STXBP4: variants seen among roughly 807,000 people sequenced by gnomAD.
STXBP4 encodes syntaxin binding protein 4.
In STXBP4, 55 loss-of-function variants were observed where a neutral mutation model predicts 76.1. The ratio of observed to expected loss-of-function variants is 0.72; its 90% CI spans 0.58 to 0.91. The LOEUF is 0.91. Ranked by LOEUF, STXBP4 falls within the 40% of genes least tolerant of loss-of-function variation. The pLI is 0.00. For synonymous variants in STXBP4, 201 were observed against 220.2 expected (o/e 0.91, Z 0.77); for missense variants, 618 against 636.9 (o/e 0.97, Z 0.32).
At chr17:54,994,507 A>G (rs1254197423) in intron 4 of STXBP4, among the ~76,000 whole-genome samples, 1 of 152,198 alleles carries the variant, frequency 6.6e-6, no homozygotes. Flanking sequence ...ACACTGTTCA[A>G]TTCATTAACA....
intron 11 of STXBP4, chr17:55,043,999 C>G (rs901737628): frequency 1.5e-5 from 3 of 197,384 alleles, no homozygotes; most frequent in African/African-American, 6.9e-5. Context: ...CATGTCCATG[C>G]CACCATGCTC....
At chr17:55,198,091 T>G in the STXBP4 span, among the ~76,000 whole-genome samples, 6 of 152,246 alleles carry the variant, frequency 3.9e-5, no homozygotes, top group African/African-American at 1.2e-4. Context: ...TAGAGGTTTC[T>G]CATTGGCCAC....
intron 16 of STXBP4, among the ~76,000 whole-genome samples, chr17:55,091,867 T>TA (rs2079419431): frequency 6.6e-6 from 1 of 152,198 alleles, no homozygotes; most frequent in Non-Finnish European, 1.5e-5. Context: ...AAAAGCTGTG[T>TA]AAAAGGTGCT....
intron 1 of STXBP4, among the ~76,000 whole-genome samples, chr17:54,981,651 G>T (rs1259807903): frequency 6.6e-6 from 1 of 152,128 alleles, no homozygotes; most frequent in East Asian, 1.9e-4. Context: ...TTTGGAGTGG[G>T]CAAGGAGTTT....
Position 55,167,390 on chromosome 17 carries a change from G to A in STXBP4, c.*7479G>A, listed in dbSNP as rs569211432. 1 of 152,298 alleles carries A rather than the reference G, an allele frequency of 6.6e-6. No homozygotes were observed. Among genetic ancestry groups the A allele is most frequent in the East Asian group, 1.9e-4 (1 of 5,188 alleles). The allele number at this position is 152,298 out of a possible 1,614,324, so 9.4% of individuals were successfully genotyped here. A position where few individuals can be genotyped will look rare whatever the true frequency, so the allele number is the denominator to read the frequency against. On this transcript the variant is annotated 3_prime_UTR_variant, in exon 18 of 18. Coordinates refer to ENST00000376352, the MANE Select transcript of STXBP4 (RefSeq NM_178509.6). Reference sequence around the variant, plus strand: ...TGCTTCTGGCAGGGAAACAAAGATTGAATTAAGAAGGAAATGAGGTGGGGG... The same window carrying A: ...TGCTTCTGGCAGGGAAACAAAGATTAAATTAAGAAGGAAATGAGGTGGGGG...
intron 16 of STXBP4, among the ~76,000 whole-genome samples, chr17:55,113,055 T>C (rs1400980484): frequency 3.3e-5 from 5 of 152,184 alleles, no homozygotes; most frequent in African/African-American, 7.2e-5. Context: ...TAATCTTTCT[T>C]TTATGATTCA....
the STXBP4 span, among the ~76,000 whole-genome samples, chr17:55,196,471 G>T: frequency 6.6e-6 from 1 of 152,250 alleles, no homozygotes; most frequent in East Asian, 1.9e-4. Flanking sequence ...GTATCAACTT[G>T]TTGAGCTTTC....
At chr17:55,081,536 T>C (rs1281831902) in intron 16 of STXBP4, among the ~76,000 whole-genome samples, 1 of 152,170 alleles carries the variant, frequency 6.6e-6, no homozygotes, top group Non-Finnish European at 1.5e-5. Flanking sequence ...AGATTAAATG[T>C]ACAGTCCAAC....
chr17:55,146,067 A>C (rs2080149570), intron 17 of STXBP4, among the ~76,000 whole-genome samples: 1 of 152,192 alleles, frequency 6.6e-6, no homozygotes, highest in Non-Finnish European at 1.5e-5. Context: ...TCCACTTAAA[A>C]GTTCACATGC....
At position 55,171,067 on chromosome 17, in the gene STXBP4, T is replaced by C. The variant is rs1015762191; in HGVS notation, c.*11156T>C. On this transcript the variant is annotated 3_prime_UTR_variant, in exon 18 of 18. Coordinates refer to ENST00000376352, the MANE Select transcript of STXBP4 (RefSeq NM_178509.6). ...TTGTCAAAGATCCTGGACCTATTTT[T>C]TTCTGCCTTGAAAACTTTTGTGCAG... The C allele has an allele frequency of 6.6e-6, 1 of 152,236 alleles. No homozygotes were observed. The highest frequency in any genetic ancestry group is 2.4e-5 in the African/African-American group (1 of 41,466). 9.4% of individuals were successfully genotyped at this position (152,236 alleles called of 1,614,324 possible).
Position 55,007,511 on chromosome 17 carries a change from G to T in STXBP4, c.580G>T (p.Ala194Ser). Residue 194 changes from alanine (A) to serine (S), a missense_variant, in exon 8 of 18, where the codon GCT (alanine) becomes TCT (serine). Coordinates refer to ENST00000376352, the MANE Select transcript of STXBP4 (RefSeq NM_178509.6). ...TGCACCCTGTTGTCTCTTAGATGTTGCTTCTGCCTGGACTGAAAATTATGG... is the reference window on the plus strand; with the variant it reads ...TGCACCCTGTTGTCTCTTAGATGTTTCTTCTGCCTGGACTGAAAATTATGG... Reference protein sequence around the residue: ...STVGLSNTDVASAWTENYGLQ... With the variant: ...STVGLSNTDVSSAWTENYGLQ... 6.2e-7 allele frequency: 1 copy of T among 1,610,250 alleles called. No homozygotes were observed. Among genetic ancestry groups the T allele is most frequent in the East Asian group, 2.2e-5 (1 of 44,696 alleles).
chr17:54,997,751 AT>A (rs11291147), intron 4 of STXBP4, among the ~76,000 whole-genome samples: 66,728 of 120,428 alleles, frequency 0.55, 17,422 homozygotes, highest in African/African-American at 0.71. Flanking sequence ...TGTGCCAGCT[AT>A]TTTTTTTTTT....
At chr17:55,075,001 T>C (rs879322523) in intron 13 of STXBP4, among the ~76,000 whole-genome samples, 2 of 152,018 alleles carry the variant, frequency 1.3e-5, no homozygotes, top group African/African-American at 2.4e-5. Flanking sequence ...TTTGTAACAG[T>C]ACATTTATTT....
intron 3 of STXBP4, among the ~76,000 whole-genome samples, chr17:54,988,500 G>A (rs1230782889): frequency 6.6e-6 from 1 of 152,086 alleles, no homozygotes; most frequent in African/African-American, 2.4e-5. Context: ...TTGGCCAGGG[G>A]CGGTGCCTCA....
At chr17:55,104,724 C>G (rs185398648) in intron 16 of STXBP4, among the ~76,000 whole-genome samples, 2 of 152,232 alleles carry the variant, frequency 1.3e-5, no homozygotes, top group African/African-American at 2.4e-5. Flanking sequence ...CTTTGTACCT[C>G]TGGTAGAATT....
At chr17:55,072,806 A>G in intron 12 of STXBP4, 94 bp from the exon 13 acceptor site, 2 of 1,056,406 alleles carry the variant, frequency 1.9e-6, no homozygotes, top group Non-Finnish European at 2.6e-6. Context: ...GACTTTTTGG[A>G]ATTATAACTT....
intron 7 of STXBP4, among the ~76,000 whole-genome samples, chr17:55,004,115 A>G (rs1036957891): frequency 1.3e-4 from 20 of 152,028 alleles, no homozygotes; most frequent in African/African-American, 4.6e-4. Context: ...CCCAGGAGGC[A>G]GAGGTTGCAG....
intron 16 of STXBP4, among the ~76,000 whole-genome samples, chr17:55,136,465 A>G (rs1209187965): frequency 1.3e-5 from 2 of 152,144 alleles, no homozygotes; most frequent in Non-Finnish European, 2.9e-5. Flanking sequence ...AAATATTTTA[A>G]AACCTAACCA....
intron 8 of STXBP4, among the ~76,000 whole-genome samples, chr17:55,028,861 A>G (rs1052642998): frequency 6.6e-6 from 1 of 152,204 alleles, no homozygotes. Context: ...AAAAGAATGT[A>G]GAAAAATAGA....
Sources: allele counts gnomAD v4.1 joint callset (sites outside exome capture counted in the v4.1 genomes callset), GRCh38; gene constraint gnomAD v4.1.1; transcripts MANE v1.5; gene names NCBI Gene and HGNC (gene_info 2026-07-23, HGNC 2026-07-21).